Variants in ZNF385D observed in about 807,000 individuals in gnomAD.
ZNF385D encodes zinc finger protein 659.
Under a neutral mutation model 35.8 loss-of-function variants are expected in ZNF385D, and 15 were observed. That is an observed-to-expected ratio of 0.42 (90% CI 0.28 to 0.64). The LOEUF (loss-of-function observed/expected upper bound fraction) is 0.64, where lower values mean the gene tolerates loss of function less well. Among genes scored for constraint, ZNF385D ranks in the 30% least tolerant of loss-of-function variants. ZNF385D has a pLI of 0.23. For missense variants in ZNF385D, 474 were observed against 494.6 expected, an observed-to-expected ratio of 0.96 and a Z score of 0.39; for synonymous variants, 212 against 186.8, an observed-to-expected ratio of 1.13 and a Z score of -1.10.
intron 2 of ZNF385D, among the ~76,000 whole-genome samples, chr3:22,239,386 T>G (rs1393428213): frequency 1.3e-5 from 2 of 151,082 alleles, no homozygotes; most frequent in Non-Finnish European, 2.9e-5. Context: ...GAAAATTTGC[T>G]AACCCTTGTT....
At chr3:21,470,493 C>T (rs932337595) in intron 4 of ZNF385D, among the ~76,000 whole-genome samples, 14 of 152,064 alleles carry the variant, frequency 9.2e-5, no homozygotes, top group Non-Finnish European at 1.6e-4. Context: ...AGTATAGTTT[C>T]ATAGAAGTAC....
At position 21,437,207 on chromosome 3, in the gene ZNF385D, T is replaced by A. The variant is rs775113664; in HGVS notation, c.440-4A>T. On this transcript the variant is annotated splice_polypyrimidine_tract_variant and splice_region_variant and intron_variant, in intron 4 of 7. Coordinates refer to ENST00000281523, the MANE Select transcript of ZNF385D (RefSeq NM_024697.3). ...GCTGGTGTCCCTGCAGTACCGTCTG[T>A]ATTCAAAATAACACAGAAAAAAGGG... The A allele has an allele frequency of 1.1e-5, 17 of 1,607,700 alleles. No homozygotes were observed. Among genetic ancestry groups the A allele is most frequent in the Non-Finnish European group, 1.4e-5 (16 of 1,176,728 alleles).
chr3:22,011,058 A>T (rs1696540686), intron 3 of ZNF385D, among the ~76,000 whole-genome samples: 1 of 152,168 alleles, frequency 6.6e-6, no homozygotes, highest in South Asian at 2.1e-4. Flanking sequence ...TGATACATGG[A>T]TTTCTACAAA....
intron 3 of ZNF385D, among the ~76,000 whole-genome samples, chr3:21,792,320 C>T (rs2071964018): frequency 6.6e-6 from 1 of 152,072 alleles, no homozygotes; most frequent in Non-Finnish European, 1.5e-5. Flanking sequence ...TTGTGACAAC[C>T]ACTCTTTGTC....
chr3:21,564,514 A>C (rs1278371217), intron 3 of ZNF385D, 60 bp downstream of exon 3: 6 of 1,077,084 alleles, frequency 5.6e-6, no homozygotes, highest in Non-Finnish European at 6.5e-6. Flanking sequence ...TTTCTCCTGC[A>C]AGATTAGAAC....
At chr3:22,288,483 A>C (rs1387575234) in intron 2 of ZNF385D, among the ~76,000 whole-genome samples, 1 of 151,874 alleles carries the variant, frequency 6.6e-6, no homozygotes, top group East Asian at 1.9e-4. Context: ...CCTGTCTTTG[A>C]GTTCACTGAT....
chr3:22,138,283 C>G (rs896808149), intron 3 of ZNF385D, among the ~76,000 whole-genome samples: 5 of 152,178 alleles, frequency 3.3e-5, no homozygotes, highest in Non-Finnish European at 2.9e-5. Flanking sequence ...ATCAAGCTAC[C>G]AATGACTTTC....
chr3:21,753,407 C>T (rs1372661125), upstream of ZNF385D, among the ~76,000 whole-genome samples: 1 of 152,122 alleles, frequency 6.6e-6, no homozygotes, highest in Non-Finnish European at 1.5e-5. Flanking sequence ...TCTATATGGT[C>T]ACAAATACAT....
At chr3:22,118,490 T>C (rs1374589771) in intron 3 of ZNF385D, among the ~76,000 whole-genome samples, 1 of 152,166 alleles carries the variant, frequency 6.6e-6, no homozygotes, top group African/African-American at 2.4e-5. Context: ...TTGTAGACTG[T>C]ACATCTCCAA....
chr3:22,092,573 C>G (rs926204967), intron 3 of ZNF385D, among the ~76,000 whole-genome samples: 1 of 152,122 alleles, frequency 6.6e-6, no homozygotes, highest in Non-Finnish European at 1.5e-5. Context: ...GAATCTGGAT[C>G]GGTATGGTGT....
At chr3:21,488,628 A>G (rs1705198297) in intron 4 of ZNF385D, among the ~76,000 whole-genome samples, 1 of 152,052 alleles carries the variant, frequency 6.6e-6, no homozygotes, top group African/African-American at 2.4e-5. Context: ...GTGAGAAACC[A>G]TGTGTATCCT....
intron 3 of ZNF385D, among the ~76,000 whole-genome samples, chr3:22,095,032 C>G (rs1161091582): frequency 2.0e-5 from 3 of 151,794 alleles, no homozygotes; most frequent in Non-Finnish European, 2.9e-5. Flanking sequence ...CTCAGACTCC[C>G]CAACAGTTAG....
intron 4 of ZNF385D, among the ~76,000 whole-genome samples, chr3:21,458,190 G>A (rs1372340219): frequency 6.6e-6 from 1 of 151,874 alleles, no homozygotes; most frequent in African/African-American, 2.4e-5. Context: ...AGATGAAGAG[G>A]GGCTGGGCTC....
intron 2 of ZNF385D, among the ~76,000 whole-genome samples, chr3:21,598,459 T>C (rs1450261104): frequency 6.6e-6 from 1 of 152,208 alleles, no homozygotes; most frequent in African/African-American, 2.4e-5. Flanking sequence ...ACAAAACATA[T>C]TCCCAACTGG....
Position 21,425,505 on chromosome 3 carries a change from G to C in ZNF385D, c.839C>G (p.Thr280Arg). 1 of 1,598,354 alleles carries C rather than the reference G, an allele frequency of 6.3e-7. No individual in the cohort carries two copies. The highest frequency in any genetic ancestry group is 1.7e-5 in the Admixed American group (1 of 58,344). The stretch of plus-strand genomic sequence containing the variant: ...CGTGCTGTTTACCTGTTTAAGTTGC[G>C]TTTCCGAGTTGACGTGCACATCACA... ...EICDVHVNSE[T>R]QLKQHISSRR... is the part of the protein sequence containing the mutation. The change falls in exon 6 of 8, where the codon ACG becomes AGG. Residue 280 changes from threonine (T) to arginine (R), a missense_variant. Coordinates refer to ENST00000281523, the MANE Select transcript of ZNF385D (RefSeq NM_024697.3).
At position 21,440,102 on chromosome 3, in the gene ZNF385D, C is replaced by T. The variant is rs147621190; in HGVS notation, c.440-2899G>A. ...CAGTGATAAAGGGGTGTTTTTTAAA[C>T]CAAGAAAGTAAGGTAAATATATTTT... is the stretch of plus-strand genomic sequence containing the variant. On this transcript the variant is annotated intron_variant, in intron 4 of 7. Transcript: ENST00000281523. Among the ~76,000 whole-genome samples the T allele has an allele frequency of 4.8e-3, 733 of 151,862 alleles. 4 individuals carry two copies. The highest frequency in any genetic ancestry group is 8.8e-3 in the Non-Finnish European group (598 of 67,904).
chr3:21,496,915 C>T (rs1002420731), intron 4 of ZNF385D, among the ~76,000 whole-genome samples: 3 of 152,086 alleles, frequency 2.0e-5, no homozygotes, highest in African/African-American at 7.2e-5. Context: ...TAATTAAGAG[C>T]TGTGCATGAC....
chr3:21,689,406 C>T (rs2067211617), intron 1 of ZNF385D, among the ~76,000 whole-genome samples: 1 of 152,134 alleles, frequency 6.6e-6, no homozygotes, highest in African/African-American at 2.4e-5. Context: ...ACCCACTTCC[C>T]TTTTCTTCCA....
chr3:21,897,420 C>G (rs544681922), intron 3 of ZNF385D, among the ~76,000 whole-genome samples: 2 of 152,284 alleles, frequency 1.3e-5, no homozygotes, highest in South Asian at 4.2e-4. Flanking sequence ...GCTGCAAAAT[C>G]AAGACTGTGG....
Sources: gnomAD v4.1 joint callset for allele counts (sites outside exome capture counted in the v4.1 genomes callset) on GRCh38, gnomAD v4.1.1 for gene constraint, MANE v1.5 for transcripts, NCBI Gene and HGNC (gene_info 2026-07-23, HGNC 2026-07-21) for gene names.